The following PIGN variants were observed in gnomAD, a reference collection of about 807,000 sequenced individuals.
The protein encoded by PIGN is GPI ethanolamine phosphate transferase 1.
Under a neutral mutation model 125.4 loss-of-function variants are expected in PIGN, and 117 were observed. That is an observed-to-expected ratio of 0.93 (90% CI 0.80 to 1.09). The LOEUF is 1.09. PIGN is among the 50% of genes least tolerant of loss of function. The probability of loss-of-function intolerance (pLI) is 0.00; values close to 1 mark genes in which losing one functional copy is unlikely to be tolerated. For synonymous variants in PIGN, 392 were observed against 377.8 expected (o/e 1.04, Z -0.44); for missense variants, 1,075 against 1,094.9 (o/e 0.98, Z 0.26).
At chr18:62,170,441 T>C (rs1170142368) in intron 1 of PIGN, among the ~76,000 whole-genome samples, 1 of 152,226 alleles carries the variant, frequency 6.6e-6, no homozygotes, top group Non-Finnish European at 1.5e-5. Flanking sequence ...TCAGTTATGT[T>C]GATCTACGAT....
At chr18:62,161,772 G>A (rs562807736) in intron 3 of PIGN, among the ~76,000 whole-genome samples, 12 of 152,222 alleles carry the variant, frequency 7.9e-5, no homozygotes, top group South Asian at 6.2e-4. Context: ...AATATAAGTC[G>A]TGCAACTCTT....
intron 7 of PIGN, among the ~76,000 whole-genome samples, chr18:62,150,584 A>C (rs1227058345): frequency 2.0e-5 from 3 of 152,158 alleles, no homozygotes; most frequent in Admixed American, 2.0e-4. Context: ...AAAGACATAG[A>C]CTGTATGATT....
chr18:62,053,132 T>C (rs868151289), intron 30 of PIGN, among the ~76,000 whole-genome samples: 4 of 152,170 alleles, frequency 2.6e-5, no homozygotes, highest in African/African-American at 9.7e-5. Flanking sequence ...GTTTCAAATG[T>C]GTGTAGAGGA....
chr18:62,117,394 A>G (rs2035126679), intron 14 of PIGN, among the ~76,000 whole-genome samples: 1 of 152,122 alleles, frequency 6.6e-6, no homozygotes, highest in South Asian at 2.1e-4. Context: ...AATTAAAGGA[A>G]TGCCATATGT....
chr18:62,045,748 G>C lies in PIGN; in HGVS notation c.*108C>G. 1 of 1,032,120 alleles carries C rather than the reference G, an allele frequency of 9.7e-7. No individual in the cohort carries two copies. The highest frequency in any genetic ancestry group is 1.8e-5 in the South Asian group (1 of 55,432). The allele number at this position is 1,032,120 out of a possible 1,614,324, so 63.9% of individuals were successfully genotyped here. A position where few individuals can be genotyped will look rare whatever the true frequency, so the allele number is the denominator to read the frequency against. On this transcript the variant is annotated 3_prime_UTR_variant, in exon 31 of 31. Coordinates refer to ENST00000640252, the MANE Select transcript of PIGN (RefSeq NM_176787.5). The stretch of plus-strand genomic sequence containing the variant: ...ATTCCAAATACCATTTTCCTTACAG[G>C]AGTAGAATATACTATATATCCATAT...
At chr18:62,073,027 G>A (rs1158088568) in intron 29 of PIGN, among the ~76,000 whole-genome samples, 1 of 152,150 alleles carries the variant, frequency 6.6e-6, no homozygotes, top group Non-Finnish European at 1.5e-5. Context: ...GATGTCAGTG[G>A]AAAGAAGCCA....
At chr18:62,166,098 G>A (rs1388859463) in intron 1 of PIGN, among the ~76,000 whole-genome samples, 1 of 152,234 alleles carries the variant, frequency 6.6e-6, no homozygotes, top group East Asian at 1.9e-4. Context: ...GAAAGCTGGA[G>A]TTAAATTCTC....
intron 1 of PIGN, among the ~76,000 whole-genome samples, chr18:62,165,770 T>C (rs777969779): frequency 6.6e-6 from 1 of 152,170 alleles, no homozygotes; most frequent in Non-Finnish European, 1.5e-5. Flanking sequence ...TGTGGTTAAC[T>C]GTCAGATCTG....
chr18:62,087,433 G>A (rs1477145753), intron 25 of PIGN, among the ~76,000 whole-genome samples: 1 of 152,204 alleles, frequency 6.6e-6, no homozygotes, highest in African/African-American at 2.4e-5. Context: ...GCACTGCTAC[G>A]TGCCAGGCAT....
At chr18:62,049,550 GT>G (rs777424425) in intron 30 of PIGN, among the ~76,000 whole-genome samples, 2 of 151,296 alleles carry the variant, frequency 1.3e-5, no homozygotes, top group African/African-American at 4.8e-5. Flanking sequence ...TGATGGGGTT[GT>G]TTTTTTCTTG....
chr18:62,157,874 G>A lies in PIGN; in HGVS notation c.222-66C>T, dbSNP rs545037035. On this transcript the variant is annotated intron_variant, in intron 4 of 30. Coordinates refer to ENST00000640252, the MANE Select transcript of PIGN (RefSeq NM_176787.5). ...TTAGATACTCTCACATAAAGCTTTA[G>A]AAACATAAGATTATTACAGAAGGAA... is the stretch of plus-strand genomic sequence containing the variant. 3.0e-5 allele frequency: 43 copies of A among 1,418,180 alleles called. No homozygotes were observed. In the African/African-American group the frequency reaches 5.8e-4, roughly 19 times the overall value. The allele number at this position is 1,418,180 out of a possible 1,614,324, so 87.8% of individuals were successfully genotyped here.
At chr18:62,064,521 T>A (rs1242831016) in intron 30 of PIGN, among the ~76,000 whole-genome samples, 1 of 152,194 alleles carries the variant, frequency 6.6e-6, no homozygotes, top group Non-Finnish European at 1.5e-5. Flanking sequence ...ATTAAACACA[T>A]ACACAATGCA....
intron 23 of PIGN, among the ~76,000 whole-genome samples, chr18:62,026,506 T>C (rs76834519): frequency 0.013 from 2,038 of 152,306 alleles, 44 homozygotes; most frequent in African/African-American, 0.046. Context: ...CAAATTATAC[T>C]GATACTGGCA....
intron 1 of PIGN, among the ~76,000 whole-genome samples, chr18:62,170,427 A>G (rs1434094055): frequency 6.6e-6 from 1 of 150,418 alleles, no homozygotes; most frequent in Non-Finnish European, 1.5e-5. Flanking sequence ...TTTCATTACT[A>G]TTGTCAGTTA....
chr18:62,155,538 C>T (rs555761963), intron 6 of PIGN, among the ~76,000 whole-genome samples: 26 of 152,172 alleles, frequency 1.7e-4, no homozygotes, highest in Middle Eastern at 3.4e-3. Flanking sequence ...CACTGCACTC[C>T]AGCCTGGGCA....
chr18:62,039,757 C>T (rs1225040535), downstream of PIGN, among the ~76,000 whole-genome samples: 1 of 83,458 alleles, frequency 1.2e-5, no homozygotes, highest in African/African-American at 3.6e-5. Flanking sequence ...TCCAGGGTGC[C>T]GCACCCCATG....
intron 23 of PIGN, among the ~76,000 whole-genome samples, chr18:62,093,336 A>C (rs1309208318): frequency 6.6e-6 from 1 of 152,134 alleles, no homozygotes; most frequent in East Asian, 1.9e-4. Context: ...ATGGGACTTT[A>C]TCTCTTAAAA....
Position 62,074,797 on chromosome 18 carries a change from T to C in PIGN, c.2601A>G (p.Ile867Met). 1.9e-6 allele frequency: 3 copies of C among 1,606,468 alleles called. No homozygotes were observed. Among genetic ancestry groups the C allele is most frequent in the Non-Finnish European group, 2.6e-6 (3 of 1,174,182 alleles). The change falls in exon 29 of 31, where the codon ATA becomes ATG. Residue 867 changes from isoleucine to methionine, a missense_variant. This residue lies in a region of PIGN where 915 missense variants were observed against 908.7 expected (regional missense o/e 1.01). Coordinates refer to ENST00000640252, the MANE Select transcript of PIGN (RefSeq NM_176787.5). ...SKSLFLIVLVISDIMALHFFF... is the reference protein window; with the variant it reads ...SKSLFLIVLVMSDIMALHFFF... The stretch of plus-strand genomic sequence containing the variant: ...GCCTTACCAAAGCCATAATGTCTGA[T>C]ATGACGAGAACAATGAGAAAAAGGC...
At position 62,045,701 on chromosome 18, in the gene PIGN, C is replaced by A; in HGVS notation, c.*155G>T. The A allele has an allele frequency of 1.6e-6, 1 of 620,744 alleles. No homozygotes were observed. The highest frequency in any genetic ancestry group is 2.6e-6 in the Non-Finnish European group (1 of 386,552). The allele number at this position is 620,744 out of a possible 1,614,324, so 38.5% of individuals were successfully genotyped here. A position where few individuals can be genotyped will look rare whatever the true frequency, so the allele number is the denominator to read the frequency against. The stretch of plus-strand genomic sequence containing the variant: ...AGAAAAAAAAAGAAGCTCCTTTGTT[C>A]CAGATAACCTGTCAATTCGGAATTC... On this transcript the variant is annotated 3_prime_UTR_variant, in exon 31 of 31. Transcript: ENST00000640252.
Sources: allele counts gnomAD v4.1 joint callset (sites outside exome capture counted in the v4.1 genomes callset), GRCh38; gene constraint gnomAD v4.1.1; regional missense constraint gnomAD v4.1.1; transcripts MANE v1.5; gene names NCBI Gene and HGNC (gene_info 2026-07-23, HGNC 2026-07-21).